The following GRM7 variants were observed in gnomAD, a reference collection of about 807,000 sequenced individuals.
The protein encoded by GRM7 is glutamate metabotropic receptor 7, also known as metabotropic glutamate receptor 7.
GRM7 carries 35 observed loss-of-function variants against 84.5 expected under a neutral mutation model. That is an observed-to-expected ratio of 0.41 (90% CI 0.32 to 0.55). GRM7 has a LOEUF of 0.55. Ranked by LOEUF, GRM7 falls within the 20% of genes least tolerant of loss-of-function variation. The probability of loss-of-function intolerance (pLI) is 0.19; values close to 1 mark genes in which losing one functional copy is unlikely to be tolerated. For missense variants in GRM7, 1,003 were observed against 1,194.6 expected (o/e 0.84, Z 2.36); for synonymous variants, 487 against 455.1 (o/e 1.07, Z -0.89).
chr3:7,438,992 G>A (rs186969154), intron 5 of GRM7, among the ~76,000 whole-genome samples: 1 of 152,284 alleles, frequency 6.6e-6, no homozygotes, highest in Non-Finnish European at 1.5e-5. Context: ...GTAGAATTCG[G>A]AAGTCTATAT....
chr3:7,042,188 G>T (rs1342385968), intron 1 of GRM7, among the ~76,000 whole-genome samples: 1 of 152,090 alleles, frequency 6.6e-6, no homozygotes, highest in Non-Finnish European at 1.5e-5. Context: ...GTTGTAGGGG[G>T]AGGTTGTGGG....
chr3:7,453,840 G>A (rs1033981411), intron 6 of GRM7, among the ~76,000 whole-genome samples: 5 of 152,116 alleles, frequency 3.3e-5, no homozygotes, highest in African/African-American at 1.2e-4. Context: ...TGTCTGTCCA[G>A]ATCCTTCTTG....
intron 4 of GRM7, among the ~76,000 whole-genome samples, chr3:7,380,944 T>A (rs912464301): frequency 6.6e-6 from 1 of 152,136 alleles, no homozygotes; most frequent in African/African-American, 2.4e-5. Context: ...AAATGGAGAC[T>A]ATAAAAGGAA....
chr3:7,244,657 T>C (rs890165696), intron 2 of GRM7, among the ~76,000 whole-genome samples: 15 of 152,046 alleles, frequency 9.9e-5, no homozygotes, highest in African/African-American at 3.6e-4. Context: ...CCCACAAGAT[T>C]AAGATGACCT....
intron 1 of GRM7, among the ~76,000 whole-genome samples, chr3:7,099,450 C>A (rs1234958893): frequency 6.8e-6 from 1 of 147,876 alleles, no homozygotes; most frequent in Non-Finnish European, 1.5e-5. Flanking sequence ...TACATATGTA[C>A]ATGTACATAC....
At chr3:7,643,394 T>C (rs571553803) in intron 8 of GRM7, among the ~76,000 whole-genome samples, 4 of 151,984 alleles carry the variant, frequency 2.6e-5, no homozygotes, top group Non-Finnish European at 5.9e-5. Context: ...AAAACTGAAG[T>C]ACTCATGCCC....
intron 7 of GRM7, among the ~76,000 whole-genome samples, chr3:7,487,870 T>TA (rs1196852728): frequency 6.6e-6 from 1 of 152,142 alleles, no homozygotes. Context: ...TGGCAGCCCG[T>TA]AATGCTAGTC....
At chr3:7,086,591 G>C (rs1385799603) in intron 1 of GRM7, among the ~76,000 whole-genome samples, 1 of 152,172 alleles carries the variant, frequency 6.6e-6, no homozygotes, top group African/African-American at 2.4e-5. Flanking sequence ...TGTGCAACTT[G>C]ATGTTTGCCA....
intron 2 of GRM7, among the ~76,000 whole-genome samples, chr3:7,221,442 C>T (rs188153109): frequency 1.3e-5 from 2 of 152,070 alleles, no homozygotes; most frequent in African/African-American, 4.8e-5. Flanking sequence ...TTTATAGGAG[C>T]CATGCAGCAC....
intron 2 of GRM7, among the ~76,000 whole-genome samples, chr3:7,242,583 A>T (rs1697600429): frequency 6.6e-6 from 1 of 152,196 alleles, no homozygotes. Context: ...CAGTCAAGTG[A>T]TGAAGACTTT....
At chr3:6,894,773 A>T (rs1223075007) in intron 1 of GRM7, among the ~76,000 whole-genome samples, 1 of 152,100 alleles carries the variant, frequency 6.6e-6, no homozygotes, top group Non-Finnish European at 1.5e-5. Flanking sequence ...AGTCAGTCTG[A>T]CCTTGATGGA....
At chr3:7,422,701 C>T (rs766641576) in intron 5 of GRM7, among the ~76,000 whole-genome samples, 5 of 152,130 alleles carry the variant, frequency 3.3e-5, no homozygotes, top group Non-Finnish European at 7.3e-5. Flanking sequence ...GACCATATAA[C>T]ACTGGCTTTT....
chr3:7,012,932 G>T (rs114212047), intron 1 of GRM7, among the ~76,000 whole-genome samples: 2,260 of 152,162 alleles, frequency 0.015, 26 homozygotes, highest in Admixed American at 0.023. Context: ...TAGAGACAGG[G>T]TCTCAGTATG....
chr3:6,892,882 C>T (rs918371537), intron 1 of GRM7: 1 of 151,958 alleles, frequency 6.6e-6, no homozygotes, highest in South Asian at 2.1e-4. Flanking sequence ...ATGCGAAACC[C>T]GAACTCAAAT....
chr3:6,936,764 G>C (rs1291451552), intron 1 of GRM7, among the ~76,000 whole-genome samples: 1 of 152,126 alleles, frequency 6.6e-6, no homozygotes, highest in Admixed American at 6.5e-5. Context: ...TGGCAGCCTA[G>C]TAATCCATGA....
chr3:7,260,149 T>C (rs1047694712), intron 2 of GRM7, among the ~76,000 whole-genome samples: 3 of 152,052 alleles, frequency 2.0e-5, no homozygotes, highest in African/African-American at 7.3e-5. Context: ...TTTTTTTTCT[T>C]GTAAATTTAT....
At chr3:7,656,432 A>T (rs1450411977) in intron 8 of GRM7, among the ~76,000 whole-genome samples, 1 of 151,712 alleles carries the variant, frequency 6.6e-6, no homozygotes, top group Non-Finnish European at 1.5e-5. Context: ...GGAGGTGGAG[A>T]TTGCAGTGAG....
intron 8 of GRM7, among the ~76,000 whole-genome samples, chr3:7,627,395 G>T (rs1460341859): frequency 6.6e-6 from 1 of 152,086 alleles, no homozygotes; most frequent in Non-Finnish European, 1.5e-5. Context: ...GTTCTCATTA[G>T]CTTATTAAAG....
At chr3:7,366,327 A>G (rs145452835) in intron 4 of GRM7, among the ~76,000 whole-genome samples, 1 of 151,674 alleles carries the variant, frequency 6.6e-6, no homozygotes, top group Non-Finnish European at 1.5e-5. Flanking sequence ...CTCTCTCAAG[A>G]TTATGTATGT....
Sources: allele counts gnomAD v4.1 joint callset (sites outside exome capture counted in the v4.1 genomes callset), GRCh38; gene constraint gnomAD v4.1.1; transcripts MANE v1.5; gene names NCBI Gene and HGNC (gene_info 2026-07-23, HGNC 2026-07-21).